The following TMEM114 variants were observed in gnomAD, a reference collection of about 807,000 sequenced individuals.
The protein encoded by TMEM114 is transmembrane protein 114.
Under a neutral mutation model 6.2 loss-of-function variants are expected in TMEM114, and 6 were observed. The observed-to-expected ratio is 0.97, with a 90% CI of 0.53 to 1.91. The LOEUF is 1.91. Among genes scored for constraint, TMEM114 ranks in the 40% most tolerant of loss-of-function variants. TMEM114 has a pLI of 0.01. For synonymous variants in TMEM114, 104 were observed against 73.0 expected, an observed-to-expected ratio of 1.42 and a Z score of -2.16; for missense variants, 218 against 158.3, an observed-to-expected ratio of 1.38 and a Z score of -2.02.
intron 2 of TMEM114, among the ~76,000 whole-genome samples, chr16:8,559,967 T>C (rs9302868): frequency 0.41 from 62,756 of 151,908 alleles, 14,486 homozygotes; most frequent in African/African-American, 0.62. Flanking sequence ...TTTGCGTCTC[T>C]GTTCTGGAAA....
At chr16:8,565,284 A>T (rs77207201), downstream of TMEM114, among the ~76,000 whole-genome samples, 24,638 of 152,216 alleles carry the variant, frequency 0.16, 2,306 homozygotes, top group Non-Finnish European at 0.21. Context: ...CAAAGACTGA[A>T]TGCGTGCATG....
At chr16:8,556,079 C>T (rs552940992) in intron 2 of TMEM114, among the ~76,000 whole-genome samples, 1 of 152,338 alleles carries the variant, frequency 6.6e-6, no homozygotes, top group South Asian at 2.1e-4. Flanking sequence ...ACCATCCATA[C>T]TCATATTTCA....
intron 2 of TMEM114, among the ~76,000 whole-genome samples, chr16:8,564,337 G>A (rs535683520): frequency 3.6e-5 from 5 of 137,914 alleles, no homozygotes; most frequent in Admixed American, 7.4e-5. Context: ...TAGAGAATGA[G>A]TCAGTGAGAG....
chr16:8,579,590 C>T (rs1902065231), intron 2 of TMEM114, among the ~76,000 whole-genome samples: 1 of 152,118 alleles, frequency 6.6e-6, no homozygotes, highest in Admixed American at 6.5e-5. Flanking sequence ...AATCCTGACT[C>T]CGCCTCTTAC....
the TMEM114 span, among the ~76,000 whole-genome samples, chr16:8,530,058 G>C: frequency 6.6e-6 from 1 of 151,998 alleles, no homozygotes; most frequent in Non-Finnish European, 1.5e-5. Context: ...CTATTTCCTG[G>C]TCCCAGTTGC....
intron 3 of TMEM114, among the ~76,000 whole-genome samples, 171 bp from the exon 4 acceptor site, chr16:8,570,176 T>A (rs1361036418): frequency 1.3e-5 from 2 of 152,142 alleles, no homozygotes; most frequent in Non-Finnish European, 2.9e-5. Context: ...CACCCCTGCT[T>A]CTCTGCCTGT....
chr16:8,576,619 C>T (rs1901937730), intron 2 of TMEM114, among the ~76,000 whole-genome samples: 1 of 152,122 alleles, frequency 6.6e-6, no homozygotes. Context: ...TTGCACATCC[C>T]TGAATGCCCA....
At chr16:8,553,339 T>C (rs1817517874) in intron 2 of TMEM114, among the ~76,000 whole-genome samples, 1 of 152,124 alleles carries the variant, frequency 6.6e-6, no homozygotes, top group African/African-American at 2.4e-5. Flanking sequence ...AGAGAAGTCT[T>C]TCAGGAGAAC....
intron 2 of TMEM114, among the ~76,000 whole-genome samples, chr16:8,561,556 A>T (rs986102233): frequency 1.3e-5 from 2 of 152,266 alleles, no homozygotes; most frequent in Non-Finnish European, 2.9e-5. Context: ...AGCACCTGGC[A>T]CATCAGGCAT....
chr16:8,563,277 G>T (rs977946589), intron 2 of TMEM114, among the ~76,000 whole-genome samples: 1 of 151,466 alleles, frequency 6.6e-6, no homozygotes, highest in Non-Finnish European at 1.5e-5. Context: ...CAGTGAATGA[G>T]TGAGGGAATG....
At chr16:8,531,681 C>G in the TMEM114 span, among the ~76,000 whole-genome samples, 1 of 152,194 alleles carries the variant, frequency 6.6e-6, no homozygotes, top group East Asian at 1.9e-4. Flanking sequence ...AATGAAGTGA[C>G]CAGTGTAACA....
downstream of TMEM114, among the ~76,000 whole-genome samples, chr16:8,535,088 A>G (rs1206619554): frequency 3.9e-5 from 6 of 152,104 alleles, no homozygotes; most frequent in African/African-American, 1.4e-4. Context: ...AGTGGTGGGA[A>G]GTCTCACCAT....
intron 2 of TMEM114, among the ~76,000 whole-genome samples, chr16:8,556,135 C>G (rs983003778): frequency 2.6e-5 from 4 of 152,210 alleles, no homozygotes; most frequent in African/African-American, 7.2e-5. Flanking sequence ...CTCACCCAGT[C>G]CATCAATTCT....
intron 2 of TMEM114, 187 bp from the exon 3 acceptor site, chr16:8,572,411 G>C (rs1163729591): frequency 4.6e-6 from 3 of 656,180 alleles, no homozygotes; most frequent in African/African-American, 1.8e-5. Context: ...GGCTCATCTC[G>C]TGCAAGGCTG....
chr16:8,539,308 G>GA (rs1239203249), intron 2 of TMEM114, among the ~76,000 whole-genome samples: 1 of 152,140 alleles, frequency 6.6e-6, no homozygotes, highest in African/African-American at 2.4e-5. Flanking sequence ...TTTCCTCTGA[G>GA]AAGGGAATAG....
downstream of TMEM114, among the ~76,000 whole-genome samples, chr16:8,535,812 G>A (rs1042186848): frequency 2.0e-5 from 3 of 152,218 alleles, no homozygotes; most frequent in African/African-American, 7.2e-5. Flanking sequence ...CCTGGGGTGT[G>A]TGGAACACAA....
intron 2 of TMEM114, among the ~76,000 whole-genome samples, chr16:8,552,046 G>C (rs1900860618): frequency 6.6e-6 from 1 of 152,084 alleles, no homozygotes; most frequent in Admixed American, 6.6e-5. Context: ...TCCAAAGCTA[G>C]AGGACAGAGG....
intron 2 of TMEM114, among the ~76,000 whole-genome samples, chr16:8,539,864 C>G (rs975957512): frequency 1.1e-4 from 17 of 152,132 alleles, no homozygotes; most frequent in Non-Finnish European, 2.5e-4. Flanking sequence ...GCCACCCAGG[C>G]TGGAATGCAG....
At chr16:8,557,754 T>C (rs1255149188) in intron 2 of TMEM114, among the ~76,000 whole-genome samples, 1 of 152,192 alleles carries the variant, frequency 6.6e-6, no homozygotes, top group Non-Finnish European at 1.5e-5. Flanking sequence ...CAGCACCTAC[T>C]TCACAGACAT....
Sources: allele counts gnomAD v4.1 joint callset (sites outside exome capture counted in the v4.1 genomes callset), GRCh38; gene constraint gnomAD v4.1.1; transcripts MANE v1.5; gene names NCBI Gene and HGNC (gene_info 2026-07-23, HGNC 2026-07-21).